The following STX1B variants were observed in gnomAD, a reference collection of about 807,000 sequenced individuals.
The protein encoded by STX1B is syntaxin 1B.
Under a neutral mutation model 39.4 loss-of-function variants are expected in STX1B, and 7 were observed. The observed-to-expected ratio is 0.18, with a 90% CI of 0.10 to 0.33. The LOEUF is 0.33. Among genes scored for constraint, STX1B ranks in the 10% least tolerant of loss-of-function variants. STX1B has a pLI of 1.00. For missense variants in STX1B, 198 were observed against 383.2 expected, an observed-to-expected ratio of 0.52 and a Z score of 4.04; for synonymous variants, 136 against 144.1, an observed-to-expected ratio of 0.94 and a Z score of 0.40.
Position 30,992,721 on chromosome 16 carries a change from G to A in STX1B, c.*100C>T. On this transcript the variant is annotated 3_prime_UTR_variant, in exon 10 of 10. Coordinates refer to ENST00000215095, the MANE Select transcript of STX1B (RefSeq NM_052874.5). Reference sequence around the variant, plus strand: ...GGTGGGGCTGCCTGGGTCTGTTTTGGGAGTGAGCCTGGAGCAGGGGATGGA... The same window carrying A: ...GGTGGGGCTGCCTGGGTCTGTTTTGAGAGTGAGCCTGGAGCAGGGGATGGA... 1.3e-6 allele frequency: 1 copy of A among 761,498 alleles called. No individual in the cohort carries two copies. The highest frequency in any genetic ancestry group is 2.3e-5 in the Admixed American group (1 of 43,522). The allele number at this position is 761,498 out of a possible 1,614,324, so 47.2% of individuals were successfully genotyped here.
intron 4 of STX1B, 141 bp downstream of exon 4, chr16:31,000,787 C>T: frequency 2.5e-6 from 2 of 813,922 alleles, no homozygotes; most frequent in South Asian, 3.4e-5. Flanking sequence ...TTTGTAGAGA[C>T]AGAGTTTTGC....
At chr16:30,993,730 C>T (rs1343244934) in intron 7 of STX1B, among the ~76,000 whole-genome samples, 4 of 151,970 alleles carry the variant, frequency 2.6e-5, no homozygotes, top group Non-Finnish European at 5.9e-5. Context: ...ATGGCTCACA[C>T]CTGTAATCCC....
chr16:31,004,556 C>T (rs55908605), intron 1 of STX1B, among the ~76,000 whole-genome samples: 25,649 of 151,940 alleles, frequency 0.17, 2,714 homozygotes, highest in Non-Finnish European at 0.24. Context: ...CACCTGTAGT[C>T]TCAGCTACTT....
intron 1 of STX1B, among the ~76,000 whole-genome samples, chr16:31,009,606 C>G (rs540781474): frequency 4.6e-5 from 7 of 152,050 alleles, no homozygotes; most frequent in East Asian, 3.9e-4. Context: ...CCCTGTCCCC[C>G]CAAAACCAGG....
chr16:30,996,765 A>C lies in STX1B; in HGVS notation c.464-9T>G. On this transcript the variant is annotated splice_polypyrimidine_tract_variant and intron_variant, in intron 6 of 9. Coordinates refer to ENST00000215095, the MANE Select transcript of STX1B (RefSeq NM_052874.5). ...GGTGGTGGTCCTTCCAGCTGCGGGA[A>C]GAAAGGACTCCCTGCTCGGGGGCTG... The C allele has an allele frequency of 6.2e-7, 1 of 1,613,932 alleles. No homozygotes were observed. Among genetic ancestry groups the C allele is most frequent in the Non-Finnish European group, 8.5e-7 (1 of 1,179,844 alleles).
chr16:31,009,967 G>A (rs1036660572), intron 1 of STX1B, among the ~76,000 whole-genome samples: 1 of 151,982 alleles, frequency 6.6e-6, no homozygotes, highest in Non-Finnish European at 1.5e-5. Flanking sequence ...CTGAATCTGG[G>A]TCCTGCTAGA....
Position 30,997,544 on chromosome 16 carries a change from C to T in STX1B, c.312G>A (p.Gly104=), listed in dbSNP as rs766362162. ...GCAGGTCCGCGGAGGAACGGTTCAG[C>T]CCCTCCTCCTGTTCAATGCTTTGCT... ...AIEQSIEQEE[G]LNRSSADLRI... Residue 104 remains glycine (G), a synonymous_variant, in exon 5 of 10, where the codon GGG becomes GGA. Transcript: ENST00000215095. 9.9e-6 allele frequency: 16 copies of T among 1,610,392 alleles called. 1 individual carries two copies. Among genetic ancestry groups the T allele is most frequent in the South Asian group, 6.7e-5 (6 of 90,028 alleles).
chr16:31,001,469 A>AGGGGCTGGGGCTGGGTGCTGGGGCT lies in STX1B; in HGVS notation c.105+35_105+59dup. The AGGGGCTGGGGCTGGGTGCTGGGGCT allele has an allele frequency of 9.5e-7, 1 of 1,050,926 alleles. No homozygotes were observed. The highest frequency in any genetic ancestry group is 1.2e-6 in the Non-Finnish European group (1 of 810,556). The allele number at this position is 1,050,926 out of a possible 1,614,324, so 65.1% of individuals were successfully genotyped here. A position where few individuals can be genotyped will look rare whatever the true frequency, so the allele number is the denominator to read the frequency against. ...GGGGCTGAGGCTGGGCGGTGGGACTAGGGGCTGGGGCTGGGTGCTGGGGCT... is the reference window on the plus strand; with the variant it reads ...GGGGCTGAGGCTGGGCGGTGGGACTAGGGGCTGGGGCTGGGTGCTGGGGCTGGGGCTGGGGCTGGGTGCTGGGGCT... On this transcript the variant is annotated intron_variant, in intron 2 of 9. Coordinates refer to ENST00000215095, the MANE Select transcript of STX1B (RefSeq NM_052874.5). This position sits in a 1 kb window ranked among gnomAD's most constrained non-coding sequence, Gnocchi z 5.5.
intron 4 of STX1B, among the ~76,000 whole-genome samples, chr16:31,000,332 GTT>G (rs55729102): frequency 1.1e-3 from 139 of 123,348 alleles, no homozygotes; most frequent in Middle Eastern, 4.2e-3. Flanking sequence ...TTTGTTTTTT[GTT>G]TTTTTTTTTT....
Position 31,001,565 on chromosome 16 carries a change from C to T in STX1B, c.69G>A (p.Val23=), listed in dbSNP as rs1468574037. The part of the protein sequence containing the change: ...DSDDEEEVVH[V]DRDHFMDEFF... ...ACTCATCCATGAAGTGGTCCCGATCCACGTGGACCACCTCCTCTTCATCAT... is the reference window on the plus strand; with the variant it reads ...ACTCATCCATGAAGTGGTCCCGATCTACGTGGACCACCTCCTCTTCATCAT... The change falls in exon 2 of 10, where the codon GTG becomes GTA. Residue 23 remains valine (V), a synonymous_variant. Transcript: ENST00000215095. This position sits in a 1 kb window ranked among gnomAD's most constrained non-coding sequence, Gnocchi z 5.5. 7 of 1,613,252 alleles carry T rather than the reference C, an allele frequency of 4.3e-6. No homozygotes were observed. The highest frequency in any genetic ancestry group is 5.9e-6 in the Non-Finnish European group (7 of 1,179,904).
rs1023818758 is a variant in STX1B at position 30,996,825 on chromosome 16, C to CG, written c.464-70dup. 3.8e-6 allele frequency: 6 copies of CG among 1,576,652 alleles called. No individual in the cohort carries two copies. In the African/African-American group the frequency reaches 8.1e-5, roughly 21 times the overall value. On this transcript the variant is annotated intron_variant, in intron 6 of 9. Transcript: ENST00000215095. ...GGGGGCCTGAGGTGGGGTGATGGGGCGGGGACCTGGGGCCCACCCTCCCAC... is the reference window on the plus strand; with the variant it reads ...GGGGGCCTGAGGTGGGGTGATGGGGCGGGGGACCTGGGGCCCACCCTCCCAC...
chr16:30,993,869 T>C (rs1206932041), intron 7 of STX1B, among the ~76,000 whole-genome samples: 1 of 150,850 alleles, frequency 6.6e-6, no homozygotes, highest in East Asian at 2.0e-4. Context: ...CCTGTAATCA[T>C]AGCTACTCAG....
At chr16:31,003,446 G>T (rs1222213909) in intron 1 of STX1B, among the ~76,000 whole-genome samples, 1 of 152,090 alleles carries the variant, frequency 6.6e-6, no homozygotes, top group East Asian at 1.9e-4. Context: ...ATCCAGCTGT[G>T]CTACAAGGCC....
At chr16:30,997,647 T>C in intron 4 of STX1B, 72 bp from the exon 5 acceptor site, 6 of 1,399,626 alleles carry the variant, frequency 4.3e-6, no homozygotes, top group South Asian at 1.2e-5. Context: ...GGCGTACGAA[T>C]GGTCAACACC....
intron 4 of STX1B, among the ~76,000 whole-genome samples, chr16:30,998,384 G>A (rs2056606762): frequency 6.8e-6 from 1 of 147,230 alleles, no homozygotes; most frequent in African/African-American, 2.7e-5. Context: ...GGGGAGGTAC[G>A]GGGCCGGATG....
intron 4 of STX1B, among the ~76,000 whole-genome samples, 192 bp downstream of exon 4, chr16:31,000,736 C>T (rs983182329): frequency 2.0e-5 from 3 of 152,120 alleles, no homozygotes; most frequent in Non-Finnish European, 2.9e-5. Context: ...GTGATTCACC[C>T]GCCTCGGCCT....
intron 1 of STX1B, among the ~76,000 whole-genome samples, chr16:31,002,950 G>GA (rs1057097483): frequency 6.6e-6 from 1 of 152,164 alleles, no homozygotes; most frequent in African/African-American, 2.4e-5. Flanking sequence ...ACAGAAACCA[G>GA]ACAGGCTCAG....
At chr16:31,003,806 T>C (rs2056643730) in intron 1 of STX1B, among the ~76,000 whole-genome samples, 1 of 152,180 alleles carries the variant, frequency 6.6e-6, no homozygotes, top group Non-Finnish European at 1.5e-5. Context: ...TCCTCTACCA[T>C]TTACAAACAC....
At position 31,004,677 on chromosome 16, in the gene STX1B, T is replaced by TA. The variant is rs36004598; in HGVS notation, c.31-3075dup. 1.6e-3 allele frequency among the ~76,000 whole-genome samples: 220 copies of TA among 140,960 alleles called. 2 individuals carry two copies. The highest frequency in any genetic ancestry group is 3.6e-3 in the African/African-American group (135 of 37,804). 92.5% of individuals were successfully genotyped at this position (140,960 alleles called of 152,430 possible). On this transcript the variant is annotated intron_variant, in intron 1 of 9. Coordinates refer to ENST00000215095, the MANE Select transcript of STX1B (RefSeq NM_052874.5). ...GGTGACAGAGCAAGACCCCGTTTCTTAAAAAAAAAAAAAAAAGAACTTGCC... is the reference window on the plus strand; with the variant it reads ...GGTGACAGAGCAAGACCCCGTTTCTTAAAAAAAAAAAAAAAAAGAACTTGCC...
Sources: gnomAD v4.1 joint callset for allele counts (sites outside exome capture counted in the v4.1 genomes callset) on GRCh38, gnomAD v4.1.1 for gene constraint, Gnocchi (gnomAD v3.1) non-coding constraint, MANE v1.5 for transcripts, NCBI Gene and HGNC (gene_info 2026-07-23, HGNC 2026-07-21) for gene names.